Variants in TMTC2 observed in about 807,000 individuals in gnomAD.
TMTC2 encodes transmembrane O-mannosyltransferase targeting cadherins 2, also known as protein O-mannosyl-transferase TMTC2.
TMTC2 carries 43 observed loss-of-function variants against 82.4 expected under a neutral mutation model. That is an observed-to-expected ratio of 0.52 (90% CI 0.41 to 0.67). The LOEUF (loss-of-function observed/expected upper bound fraction) is 0.67. Among genes scored for constraint, TMTC2 ranks in the 30% least tolerant of loss-of-function variants. The pLI, the probability that TMTC2 is intolerant of heterozygous loss-of-function variation, is 0.00. For synonymous variants in TMTC2, 408 were observed against 381.9 expected, an observed-to-expected ratio of 1.07 and a Z score of -0.80; for missense variants, 919 against 1,012.4, an observed-to-expected ratio of 0.91 and a Z score of 1.25.
At chr12:82,792,507 C>T (rs1878516778) in intron 1 of TMTC2, among the ~76,000 whole-genome samples, 1 of 152,014 alleles carries the variant, frequency 6.6e-6, no homozygotes, top group Non-Finnish European at 1.5e-5. Context: ...CGCTCTGTCG[C>T]CCAGGATGGA....
chr12:82,774,050 T>C (rs78631776), intron 1 of TMTC2, among the ~76,000 whole-genome samples: 2,458 of 152,188 alleles, frequency 0.016, 73 homozygotes, highest in African/African-American at 0.057. Context: ...TATTTTAACT[T>C]TTTTTCCTCT....
chr12:82,799,757 A>G (rs1878904792), intron 1 of TMTC2, among the ~76,000 whole-genome samples: 1 of 152,112 alleles, frequency 6.6e-6, no homozygotes, highest in Non-Finnish European at 1.5e-5. Context: ...AGGACACCTC[A>G]ACATATCTTT....
intron 1 of TMTC2, among the ~76,000 whole-genome samples, chr12:82,821,388 A>G (rs990348885): frequency 1.1e-4 from 16 of 152,174 alleles, no homozygotes; most frequent in Non-Finnish European, 2.1e-4. Context: ...ATACTGTTTT[A>G]ATTATCAACT....
chr12:82,911,628 C>T (rs958466295), intron 3 of TMTC2, among the ~76,000 whole-genome samples: 4 of 151,448 alleles, frequency 2.6e-5, no homozygotes, highest in Non-Finnish European at 4.4e-5. Flanking sequence ...TTTGAGATGG[C>T]GTCTTGCTCT....
intron 1 of TMTC2, among the ~76,000 whole-genome samples, chr12:82,793,711 A>G (rs1419300726): frequency 1.3e-5 from 2 of 152,068 alleles, no homozygotes; most frequent in Non-Finnish European, 2.9e-5. Context: ...GGGGGTGGGA[A>G]GGGGAGTTTT....
intron 4 of TMTC2, among the ~76,000 whole-genome samples, chr12:82,942,301 C>T (rs1217144843): frequency 1.3e-5 from 2 of 152,026 alleles, no homozygotes; most frequent in Non-Finnish European, 2.9e-5. Flanking sequence ...GAAGTATATA[C>T]TTGTATTCTG....
At chr12:82,708,174 A>G (rs1873458928) in intron 1 of TMTC2, among the ~76,000 whole-genome samples, 1 of 152,154 alleles carries the variant, frequency 6.6e-6, no homozygotes, top group South Asian at 2.1e-4. Context: ...AATATTTACT[A>G]TCTGGCCCTT....
chr12:83,124,488 G>T (rs1187789651), intron 11 of TMTC2, among the ~76,000 whole-genome samples: 1 of 151,792 alleles, frequency 6.6e-6, no homozygotes, highest in Non-Finnish European at 1.5e-5. Flanking sequence ...ACTCTGGTAA[G>T]TGTAGCAATT....
chr12:83,131,307 G>A (rs544644605), intron 11 of TMTC2, among the ~76,000 whole-genome samples: 2 of 152,264 alleles, frequency 1.3e-5, no homozygotes, highest in South Asian at 4.1e-4. Context: ...ATTTTCCTTT[G>A]GGAGGGACTT....
At position 82,870,657 on chromosome 12, in the gene TMTC2, G is replaced by A. The variant is rs144472841; in HGVS notation, c.654+13077G>A. Among the ~76,000 whole-genome samples the A allele has an allele frequency of 8.7e-3, 1,327 of 152,286 alleles. 10 individuals carry two copies. Among genetic ancestry groups the A allele is most frequent in the South Asian group, 0.023 (113 of 4,828 alleles). On this transcript the variant is annotated intron_variant, in intron 2 of 11. Coordinates refer to ENST00000321196, the MANE Select transcript of TMTC2 (RefSeq NM_152588.3). ...TGTTACTTGTAACTCCAGAAATGCGGTGGGATTTTTAAAAAGGCCACCGCT... is the reference window on the plus strand; with the variant it reads ...TGTTACTTGTAACTCCAGAAATGCGATGGGATTTTTAAAAAGGCCACCGCT...
intron 1 of TMTC2, among the ~76,000 whole-genome samples, chr12:82,704,258 T>C (rs1873235360): frequency 6.6e-6 from 1 of 152,228 alleles, no homozygotes; most frequent in South Asian, 2.1e-4. Flanking sequence ...TTTTCTGTCA[T>C]CATTATTTAT....
chr12:82,749,750 T>TC (rs1875881723), intron 1 of TMTC2, among the ~76,000 whole-genome samples: 1 of 149,548 alleles, frequency 6.7e-6, no homozygotes. Flanking sequence ...TTTTTTTTTT[T>TC]TTTTTGAGGC....
intron 1 of TMTC2, among the ~76,000 whole-genome samples, chr12:82,752,920 C>T (rs1038484153): frequency 6.6e-6 from 1 of 152,008 alleles, no homozygotes; most frequent in Non-Finnish European, 1.5e-5. Context: ...CATCAGGTGT[C>T]ACTGTCTTGC....
Position 82,988,047 on chromosome 12 carries a change from A to G in TMTC2, c.2070+2001A>G, listed in dbSNP as rs796857372. Among the ~76,000 whole-genome samples the G allele has an allele frequency of 3.9e-5, 6 of 152,348 alleles. 1 individual carries two copies. Among genetic ancestry groups the G allele is most frequent in the African/African-American group, 1.4e-4 (6 of 41,582 alleles). On this transcript the variant is annotated intron_variant, in intron 8 of 11. Transcript: ENST00000321196. ...TGGAGATGTTCTTCAAGAGAACACA[A>G]ATCTAGAAGGAATGCTGGAGTGAGG...
Position 82,736,855 on chromosome 12 carries a change from A to T in TMTC2, c.83+49186A>T, listed in dbSNP as rs551982068. On this transcript the variant is annotated intron_variant, in intron 1 of 11. Transcript: ENST00000321196. ...TCAGAGGTGAAATGAAATCTCTAAC[A>T]TTAATGAATATCCCAGTTATAGAGC... 1.0e-3 allele frequency among the ~76,000 whole-genome samples: 154 copies of T among 152,334 alleles called. 1 individual carries two copies. Among genetic ancestry groups the T allele is most frequent in the African/African-American group, 3.5e-3 (146 of 41,590 alleles).
intron 11 of TMTC2, among the ~76,000 whole-genome samples, chr12:83,069,179 G>C (rs977661056): frequency 1.3e-4 from 20 of 151,794 alleles, no homozygotes; most frequent in Non-Finnish European, 2.9e-4. Flanking sequence ...ACCTTTTTCA[G>C]ATAATGATTT....
At chr12:82,842,015 A>T (rs2137090799) in intron 1 of TMTC2, among the ~76,000 whole-genome samples, 2 of 152,306 alleles carry the variant, frequency 1.3e-5, no homozygotes, top group South Asian at 2.1e-4. Flanking sequence ...GCAATAATAG[A>T]CTGGGATTTT....
chr12:82,839,457 A>G (rs1408282492), intron 1 of TMTC2, among the ~76,000 whole-genome samples: 1 of 152,098 alleles, frequency 6.6e-6, no homozygotes, highest in Non-Finnish European at 1.5e-5. Context: ...TTTACTCCCC[A>G]CCTGTGTAGG....
intron 9 of TMTC2, among the ~76,000 whole-genome samples, chr12:83,039,852 T>C (rs934303582): frequency 2.6e-5 from 4 of 152,262 alleles, no homozygotes; most frequent in Admixed American, 2.6e-4. Context: ...TGAAACTGTG[T>C]TGTAAAGTAT....
Sources: allele counts gnomAD v4.1 joint callset (sites outside exome capture counted in the v4.1 genomes callset), GRCh38; gene constraint gnomAD v4.1.1; transcripts MANE v1.5; gene names NCBI Gene and HGNC (gene_info 2026-07-23, HGNC 2026-07-21).